PTPRK: variants seen among roughly 807,000 people sequenced by gnomAD.
PTPRK encodes receptor-type tyrosine-protein phosphatase kappa.
Under a neutral mutation model 178.0 loss-of-function variants are expected in PTPRK, and 75 were observed. The ratio of observed to expected loss-of-function variants is 0.42; its 90% confidence interval spans 0.35 to 0.51. PTPRK has a LOEUF of 0.51. Among genes scored for constraint, PTPRK ranks in the 20% least tolerant of loss-of-function variants. The probability of loss-of-function intolerance (pLI) is 0.02; values close to 1 mark genes in which losing one functional copy is unlikely to be tolerated. For missense variants in PTPRK, 1,441 were observed against 1,797.8 expected (o/e 0.80, Z 3.59); for synonymous variants, 637 against 620.6 (o/e 1.03, Z -0.39).
chr6:128,169,620 C>G (rs1440760256), intron 7 of PTPRK, among the ~76,000 whole-genome samples: 3 of 151,940 alleles, frequency 2.0e-5, no homozygotes, highest in Non-Finnish European at 4.4e-5. Context: ...CCTTGATTCT[C>G]TCATTTAACA....
chr6:128,230,181 G>C (rs1182918129), intron 5 of PTPRK, among the ~76,000 whole-genome samples: 1 of 152,176 alleles, frequency 6.6e-6, no homozygotes, highest in Admixed American at 6.5e-5. Context: ...AGAGGAAAGA[G>C]GGACATGTGG....
At chr6:128,241,785 T>C (rs1814505763) in intron 4 of PTPRK, among the ~76,000 whole-genome samples, 1 of 149,232 alleles carries the variant, frequency 6.7e-6, no homozygotes, top group Non-Finnish European at 1.5e-5. Flanking sequence ...TGCTTTCTTT[T>C]TTTTTTTTTT....
chr6:128,111,268 C>T (rs1012293410), intron 7 of PTPRK, among the ~76,000 whole-genome samples: 11 of 152,188 alleles, frequency 7.2e-5, no homozygotes, highest in Non-Finnish European at 1.3e-4. Flanking sequence ...CCAACTTAGA[C>T]GCTGACAGTT....
chr6:128,399,665 A>G (rs1483316975), intron 1 of PTPRK, among the ~76,000 whole-genome samples: 1 of 152,202 alleles, frequency 6.6e-6, no homozygotes, highest in Non-Finnish European at 1.5e-5. Flanking sequence ...ACCCTTTATA[A>G]TAGTGTGAGT....
At chr6:128,071,681 G>A (rs930032465) in intron 11 of PTPRK, among the ~76,000 whole-genome samples, 1 of 151,830 alleles carries the variant, frequency 6.6e-6, no homozygotes, top group Admixed American at 6.6e-5. Flanking sequence ...CTTTTTTCAT[G>A]CCCATTGAAG....
At chr6:128,144,280 A>T (rs1274225428) in intron 7 of PTPRK, among the ~76,000 whole-genome samples, 1 of 152,228 alleles carries the variant, frequency 6.6e-6, no homozygotes, top group Non-Finnish European at 1.5e-5. Flanking sequence ...ATAATGAAAT[A>T]AAAAAGACAT....
chr6:128,314,569 C>A (rs1469881596), intron 3 of PTPRK, among the ~76,000 whole-genome samples: 2 of 152,162 alleles, frequency 1.3e-5, no homozygotes, highest in Non-Finnish European at 2.9e-5. Flanking sequence ...TTCTACTTAA[C>A]TAGCTCTAGT....
chr6:128,449,960 T>C (rs978060482), intron 1 of PTPRK, among the ~76,000 whole-genome samples: 14 of 141,538 alleles, frequency 9.9e-5, no homozygotes, highest in African/African-American at 3.2e-4. Context: ...AAAAAAAAAA[T>C]TGCCAGGCAT....
intron 3 of PTPRK, among the ~76,000 whole-genome samples, chr6:128,314,840 T>C (rs1458064359): frequency 1.4e-5 from 2 of 139,894 alleles, no homozygotes; most frequent in Admixed American, 7.1e-5. Flanking sequence ...CACCACTATT[T>C]AAAAAAAAAA....
At chr6:128,095,966 G>A (rs1787842947) in intron 7 of PTPRK, among the ~76,000 whole-genome samples, 2 of 152,166 alleles carry the variant, frequency 1.3e-5, no homozygotes, top group Admixed American at 1.3e-4. Flanking sequence ...CCTGTCAAAT[G>A]TTGATCAGCA....
intron 2 of PTPRK, among the ~76,000 whole-genome samples, chr6:128,362,164 G>A (rs1156239991): frequency 6.6e-6 from 1 of 152,176 alleles, no homozygotes; most frequent in Admixed American, 6.6e-5. Flanking sequence ...GGCTTCTGGT[G>A]AGGCCTCAGA....
intron 1 of PTPRK, among the ~76,000 whole-genome samples, chr6:128,449,949 A>G (rs1456100992): frequency 1.3e-5 from 2 of 151,854 alleles, no homozygotes; most frequent in East Asian, 1.9e-4. Flanking sequence ...TGCAAAAAAA[A>G]AAAAAAAAAA....
intron 2 of PTPRK, among the ~76,000 whole-genome samples, chr6:128,347,809 A>G (rs1250773547): frequency 6.6e-6 from 1 of 152,140 alleles, no homozygotes; most frequent in African/African-American, 2.4e-5. Flanking sequence ...AAAATTTCCC[A>G]CATTTTATTT....
intron 19 of PTPRK, 136 bp downstream of exon 19, chr6:127,992,537 T>C (rs1776725150): frequency 1.3e-5 from 8 of 638,726 alleles, no homozygotes; most frequent in Non-Finnish European, 2.2e-5. Context: ...ACTATACAAA[T>C]GAGTAAGGAG....
intron 5 of PTPRK, among the ~76,000 whole-genome samples, chr6:128,229,158 A>G (rs1811894237): frequency 6.6e-6 from 1 of 152,222 alleles, no homozygotes; most frequent in Non-Finnish European, 1.5e-5. Flanking sequence ...TTTAGAAGTG[A>G]GACTAAATAA....
chr6:128,203,707 C>T (rs1043725847), intron 6 of PTPRK, among the ~76,000 whole-genome samples: 2 of 152,058 alleles, frequency 1.3e-5, no homozygotes, highest in African/African-American at 4.8e-5. Flanking sequence ...CCTAGAAATA[C>T]AGCTAACAAG....
At chr6:128,270,225 A>C (rs563507865) in intron 3 of PTPRK, among the ~76,000 whole-genome samples, 1 of 152,280 alleles carries the variant, frequency 6.6e-6, no homozygotes, top group East Asian at 1.9e-4. Flanking sequence ...AGAAAAATGT[A>C]AATATGCAAT....
At chr6:128,283,648 A>C (rs1822026897) in intron 3 of PTPRK, among the ~76,000 whole-genome samples, 1 of 152,190 alleles carries the variant, frequency 6.6e-6, no homozygotes, top group East Asian at 1.9e-4. Flanking sequence ...AAATAATATA[A>C]ATAGAAGCAA....
chr6:128,301,467 A>T (rs949315491), intron 3 of PTPRK, among the ~76,000 whole-genome samples: 12 of 152,186 alleles, frequency 7.9e-5, no homozygotes, highest in Non-Finnish European at 1.8e-4. Context: ...AACATTTAAG[A>T]AGCTGAGAGA....
Sources: gnomAD v4.1 joint callset for allele counts (sites outside exome capture counted in the v4.1 genomes callset) on GRCh38, gnomAD v4.1.1 for gene constraint, MANE v1.5 for transcripts, NCBI Gene and HGNC (gene_info 2026-07-23, HGNC 2026-07-21) for gene names.